The following PCED1B variants were observed in gnomAD, a reference collection of about 807,000 sequenced individuals.
PCED1B encodes PC-esterase domain-containing protein 1B.
For missense variants in PCED1B, 573 were observed against 573.9 expected (o/e 1.00, Z 0.02); for synonymous variants, 251 against 246.1 (o/e 1.02, Z -0.19).
At chr12:47,094,552 T>A (rs1197474315) in intron 1 of PCED1B, among the ~76,000 whole-genome samples, 1 of 152,078 alleles carries the variant, frequency 6.6e-6, no homozygotes, top group African/African-American at 2.4e-5. Flanking sequence ...AAGGATTTCA[T>A]TCTAAAAACT....
At chr12:47,171,065 CTTTTTTTT>C (rs71437788) in intron 2 of PCED1B, among the ~76,000 whole-genome samples, 1 of 121,346 alleles carries the variant, frequency 8.2e-6, no homozygotes, top group South Asian at 2.9e-4. Context: ...GCCAGGTTAC[CTTTTTTTT>C]TTTTTTTTTT....
intron 3 of PCED1B, among the ~76,000 whole-genome samples, chr12:47,222,576 C>T (rs1189528888): frequency 6.6e-6 from 1 of 152,102 alleles, no homozygotes; most frequent in African/African-American, 2.4e-5. Flanking sequence ...GGGCTAGAGA[C>T]AAAGATAATA....
At chr12:47,098,231 C>T (rs1170692991) in intron 1 of PCED1B, among the ~76,000 whole-genome samples, 2 of 152,214 alleles carry the variant, frequency 1.3e-5, no homozygotes, top group Non-Finnish European at 2.9e-5. Flanking sequence ...AACAATCAGA[C>T]TCTCTCTTAC....
Position 47,231,086 on chromosome 12 carries a change from G to A in PCED1B, c.-57-3921G>A, listed in dbSNP as rs532639248. Among the ~76,000 whole-genome samples the A allele has an allele frequency of 7.2e-5, 11 of 152,270 alleles. No individual in the cohort carries two copies. In the East Asian group the frequency reaches 1.9e-3, roughly 27 times the overall value. ...CAGGTAGTATGATTCCAAACGCAAT[G>A]CTCTTTGCTAATACTCTGTAGAGGG... On this transcript the variant is annotated intron_variant, in intron 3 of 3. Coordinates refer to ENST00000546455, the MANE Select transcript of PCED1B (RefSeq NM_138371.3).
At chr12:47,178,248 A>AG in intron 2 of PCED1B, among the ~76,000 whole-genome samples, 1 of 152,280 alleles carries the variant, frequency 6.6e-6, no homozygotes, top group East Asian at 1.9e-4. Flanking sequence ...TGGCTGTGGT[A>AG]GGGATTAGAT....
At chr12:47,195,742 C>T (rs781210299) in intron 2 of PCED1B, among the ~76,000 whole-genome samples, 6 of 152,186 alleles carry the variant, frequency 3.9e-5, no homozygotes, top group Non-Finnish European at 7.3e-5. Flanking sequence ...CTGAGTCTAC[C>T]AGAGTTGTCT....
At chr12:47,168,966 T>C (rs1219656165) in intron 2 of PCED1B, among the ~76,000 whole-genome samples, 1 of 152,188 alleles carries the variant, frequency 6.6e-6, no homozygotes, top group Non-Finnish European at 1.5e-5. Flanking sequence ...TATGAATATT[T>C]TCTACTTAAT....
intron 1 of PCED1B, among the ~76,000 whole-genome samples, chr12:47,102,297 T>G (rs762066075): frequency 6.6e-6 from 1 of 152,242 alleles, no homozygotes; most frequent in Non-Finnish European, 1.5e-5. Flanking sequence ...TGTAAATATA[T>G]TTCAGATATC....
chr12:47,217,095 TA>T (rs2137804322), intron 3 of PCED1B, among the ~76,000 whole-genome samples: 2 of 152,172 alleles, frequency 1.3e-5, no homozygotes, highest in East Asian at 3.9e-4. Flanking sequence ...TTTAAAAGTA[TA>T]AAATGGAGAA....
At chr12:47,175,867 C>A (rs933247356) in intron 2 of PCED1B, among the ~76,000 whole-genome samples, 3 of 151,514 alleles carry the variant, frequency 2.0e-5, no homozygotes, top group Non-Finnish European at 4.4e-5. Flanking sequence ...TCACTGTGCC[C>A]GGCCTATTTA....
chr12:47,174,302 G>A (rs7132428), intron 2 of PCED1B, among the ~76,000 whole-genome samples: 112 of 152,072 alleles, frequency 7.4e-4, no homozygotes, highest in African/African-American at 2.5e-3. Flanking sequence ...CCAGCTACTC[G>A]GGAGGCTGAG....
intron 3 of PCED1B, among the ~76,000 whole-genome samples, chr12:47,232,125 A>G (rs1943827518): frequency 6.6e-6 from 1 of 152,224 alleles, no homozygotes; most frequent in African/African-American, 2.4e-5. Context: ...GAGTTGGAGA[A>G]ATAAATGAAT....
chr12:47,086,157 G>T (rs1021079716), intron 1 of PCED1B, among the ~76,000 whole-genome samples: 3 of 152,040 alleles, frequency 2.0e-5, no homozygotes, highest in Non-Finnish European at 4.4e-5. Context: ...TATTCTCAGC[G>T]TTCAGGGTTC....
At chr12:47,158,515 T>C (rs1941267873) in intron 2 of PCED1B, among the ~76,000 whole-genome samples, 1 of 152,210 alleles carries the variant, frequency 6.6e-6, no homozygotes, top group African/African-American at 2.4e-5. Flanking sequence ...TTTTTTGTTG[T>C]TCAGTTTTAT....
chr12:47,167,973 T>C (rs1179344601), intron 2 of PCED1B, among the ~76,000 whole-genome samples: 1 of 152,166 alleles, frequency 6.6e-6, no homozygotes, highest in African/African-American at 2.4e-5. Context: ...AGTAGCGATG[T>C]TGAAACCAGC....
At chr12:47,080,483 C>A (rs1400666372) in intron 1 of PCED1B, among the ~76,000 whole-genome samples, 1 of 152,052 alleles carries the variant, frequency 6.6e-6, no homozygotes, top group African/African-American at 2.4e-5. Context: ...CGTCTCCGCT[C>A]GTTTCTAGGG....
intron 2 of PCED1B, among the ~76,000 whole-genome samples, chr12:47,163,708 G>C (rs1941459527): frequency 6.6e-6 from 1 of 152,046 alleles, no homozygotes; most frequent in African/African-American, 2.4e-5. Flanking sequence ...AGTCCATTTG[G>C]TGTTGCTATA....
intron 2 of PCED1B, among the ~76,000 whole-genome samples, chr12:47,207,545 C>T (rs187610003): frequency 7.1e-4 from 108 of 152,330 alleles, no homozygotes; most frequent in African/African-American, 2.3e-3. Flanking sequence ...GCAGGCAGAG[C>T]TCTCAACTAC....
rs556664251 is a variant in PCED1B at position 47,215,735 on chromosome 12, G to A, written c.-525-487G>A. Among the ~76,000 whole-genome samples the A allele has an allele frequency of 4.6e-5, 7 of 152,300 alleles. No homozygotes were observed. The South Asian group carries it at 8.3e-4, about 18-fold the overall frequency. On this transcript the variant is annotated intron_variant, in intron 2 of 3. Transcript: ENST00000546455. ...GAGCCATTTTTCCATCAAGACGTCA[G>A]TGGAGAGATGAAGTGAAAGGATTTA...
Sources: allele counts gnomAD v4.1 joint callset (sites outside exome capture counted in the v4.1 genomes callset), GRCh38; gene constraint gnomAD v4.1.1; transcripts MANE v1.5; gene names NCBI Gene and HGNC (gene_info 2026-07-23, HGNC 2026-07-21).